Variants in SMAD2 observed in about 807,000 individuals in gnomAD.
SMAD2 encodes the protein SMAD family member 2, also known as MAD homolog 2.
Under a neutral mutation model 64.4 loss-of-function variants are expected in SMAD2, and 8 were observed. The observed-to-expected ratio is 0.12, with a 90% CI of 0.07 to 0.22. The LOEUF is 0.22. SMAD2 is among the 10% of genes least tolerant of loss of function. The probability of loss-of-function intolerance (pLI) is 1.00; values close to 1 mark genes in which losing one functional copy is unlikely to be tolerated. For missense variants in SMAD2, 289 were observed against 561.2 expected (o/e 0.51, Z 4.90); for synonymous variants, 203 against 195.8 (o/e 1.04, Z -0.31).
intron 3 of SMAD2, 49 bp downstream of exon 3, chr18:47,870,426 C>A (rs982060492): frequency 1.5e-6 from 2 of 1,354,782 alleles, no homozygotes; most frequent in Admixed American, 1.7e-5. Context: ...TCAAAATATA[C>A]CCCCCTCCCA....
At position 47,822,439 on chromosome 18, in the gene SMAD2, C is replaced by T. The variant is rs1912605825; in HGVS notation, c.*19388G>A. 6.6e-6 allele frequency: 1 copy of T among 152,146 alleles called. No individual in the cohort carries two copies. Among genetic ancestry groups the T allele is most frequent in the South Asian group, 2.1e-4 (1 of 4,832 alleles). The allele number at this position is 152,146 out of a possible 1,614,324, so 9.4% of individuals were successfully genotyped here. On this transcript the variant is annotated 3_prime_UTR_variant, in exon 11 of 11. Coordinates refer to ENST00000262160, the MANE Select transcript of SMAD2 (RefSeq NM_005901.6). Reference sequence around the variant, plus strand: ...AGAAACTGATGAGTCCATGTAACTACTAATTAAGATCAACCACAACAAAAA... The same window carrying T: ...AGAAACTGATGAGTCCATGTAACTATTAATTAAGATCAACCACAACAAAAA...
In SMAD2 at chr18:47,848,732, T is replaced by G. The variant is rs1381473420; in HGVS notation, c.785-45A>C. The G allele has an allele frequency of 1.5e-6, 2 of 1,355,980 alleles. 1 individual carries two copies. The highest frequency in any genetic ancestry group is 2.5e-5 in the South Asian group (2 of 81,388). 84.0% of individuals were successfully genotyped at this position (1,355,980 alleles called of 1,614,324 possible). A position where few individuals can be genotyped will look rare whatever the true frequency, so the allele number is the denominator to read the frequency against. On this transcript the variant is annotated intron_variant, in intron 7 of 10. Transcript: ENST00000262160. ...AAAAATAATAAAAGGAAGAAATGCG[T>G]GAACAATTCAAGCCAAAAATAGATT...
At chr18:47,850,469 ATATATTATATATTATATATT>A (rs1915223653) in intron 7 of SMAD2, among the ~76,000 whole-genome samples, 1 of 23,194 alleles carries the variant, frequency 4.3e-5, no homozygotes, top group African/African-American at 2.0e-4. Context: ...TATACATAAT[ATATATTATATATTATATATT>A]ATGTATAATA....
rs535943136 is a variant in SMAD2 at position 47,848,389 on chromosome 18, A to G, written c.997+86T>C. On this transcript the variant is annotated intron_variant, in intron 8 of 10. Transcript: ENST00000262160. ...AGAGAGAAAGCTGGTTTTACTGCAC[A>G]CAAGCTCTTGATGTGGCACACCATG... 3.8e-6 allele frequency: 4 copies of G among 1,051,120 alleles called. No homozygotes were observed. The East Asian group carries it at 9.6e-5, about 25-fold the overall frequency. The allele number at this position is 1,051,120 out of a possible 1,614,324, so 65.1% of individuals were successfully genotyped here. A position where few individuals can be genotyped will look rare whatever the true frequency, so the allele number is the denominator to read the frequency against.
intron 4 of SMAD2, 37 bp from the exon 5 acceptor site, chr18:47,868,494 A>G (rs2031728005): frequency 2.5e-6 from 4 of 1,590,032 alleles, no homozygotes; most frequent in Non-Finnish European, 3.4e-6. Flanking sequence ...AATGGCAAAG[A>G]GCAAAGGGGA....
At position 47,828,562 on chromosome 18, in the gene SMAD2, G is replaced by C. The variant is rs1408839122; in HGVS notation, c.*13265C>G. ...GTCTGTGTAGAAAGAAGTAGACATA[G>C]GAGACTCCATTTTGTTCTGTACTAG... On this transcript the variant is annotated 3_prime_UTR_variant, in exon 11 of 11. Transcript: ENST00000262160. 6.0e-6 allele frequency: 1 copy of C among 166,306 alleles called. No individual in the cohort carries two copies. The highest frequency in any genetic ancestry group is 2.4e-5 in the African/African-American group (1 of 41,600). 10.3% of individuals were successfully genotyped at this position (166,306 alleles called of 1,614,324 possible).
Position 47,828,910 on chromosome 18 carries a change from A to C in SMAD2, c.*12917T>G, listed in dbSNP as rs1303629354. The C allele has an allele frequency of 7.3e-6, 1 of 136,336 alleles. No individual in the cohort carries two copies. Among genetic ancestry groups the C allele is most frequent in the East Asian group, 2.3e-4 (1 of 4,290 alleles). 8.4% of individuals were successfully genotyped at this position (136,336 alleles called of 1,614,324 possible). ...CCTGCCACATCCCCCTCTCCGAGAA[A>C]CACCCAAGAATGATCAATAAATACT... On this transcript the variant is annotated 3_prime_UTR_variant, in exon 11 of 11. Transcript: ENST00000262160.
chr18:47,909,186 T>C (rs1598878917), intron 1 of SMAD2, among the ~76,000 whole-genome samples: 1 of 152,234 alleles, frequency 6.6e-6, no homozygotes, highest in African/African-American at 2.4e-5. Context: ...GCAGGTTTTA[T>C]GTAGGTACAG....
At chr18:47,922,329 A>G (rs994615159) in intron 1 of SMAD2, among the ~76,000 whole-genome samples, 2 of 152,252 alleles carry the variant, frequency 1.3e-5, no homozygotes, top group East Asian at 3.8e-4. Flanking sequence ...TGTGCAGTCA[A>G]TCCTCCTTAT....
In SMAD2 at chr18:47,884,301, TA is replaced by T. The variant is rs975505893; in HGVS notation, c.236+12219del. ...CTATGTACCAAGCTCTTACACATAT[TA>T]AACCGCTTAATCCTTCAACAGTGCC... On this transcript the variant is annotated intron_variant, in intron 2 of 10. Coordinates refer to ENST00000262160, the MANE Select transcript of SMAD2 (RefSeq NM_005901.6). 1.1e-3 allele frequency among the ~76,000 whole-genome samples: 166 copies of T among 152,286 alleles called. 1 individual carries two copies. The highest frequency in any genetic ancestry group is 3.9e-3 in the African/African-American group (161 of 41,564).
chr18:47,862,910 A>C (rs2031290214), intron 6 of SMAD2, among the ~76,000 whole-genome samples: 1 of 152,174 alleles, frequency 6.6e-6, no homozygotes, highest in South Asian at 2.1e-4. Context: ...CGAACTTATA[A>C]ATTTCTTACG....
At chr18:47,858,141 A>G (rs749425068) in intron 6 of SMAD2, among the ~76,000 whole-genome samples, 3 of 152,058 alleles carry the variant, frequency 2.0e-5, no homozygotes, top group Non-Finnish European at 2.9e-5. Context: ...AACAAGAGAT[A>G]TTCAAAGATG....
intron 3 of SMAD2, among the ~76,000 whole-genome samples, chr18:47,870,029 T>C (rs1265834740): frequency 6.6e-6 from 1 of 152,046 alleles, no homozygotes; most frequent in Non-Finnish European, 1.5e-5. Context: ...AATGAAGTGA[T>C]TAAAAAAAGT....
intron 1 of SMAD2, among the ~76,000 whole-genome samples, chr18:47,898,018 A>C (rs1172538629): frequency 6.6e-6 from 1 of 152,214 alleles, no homozygotes; most frequent in African/African-American, 2.4e-5. Context: ...CTTTAAGAAA[A>C]CAATGATGCT....
intron 5 of SMAD2, 49 bp downstream of exon 5, chr18:47,868,274 C>T (rs745572993): frequency 6.5e-7 from 1 of 1,531,486 alleles, no homozygotes; most frequent in Non-Finnish European, 9.0e-7. Flanking sequence ...TGCTTATGAA[C>T]AAAATTTGTA....
At chr18:47,896,004 G>C (rs79334961) in intron 2 of SMAD2, among the ~76,000 whole-genome samples, 2,222 of 152,282 alleles carry the variant, frequency 0.015, 17 homozygotes, top group Non-Finnish European at 0.023. Context: ...TAAAGTAACA[G>C]GTCCTCCTAA....
At chr18:47,909,578 A>T (rs918436843) in intron 1 of SMAD2, among the ~76,000 whole-genome samples, 1 of 152,168 alleles carries the variant, frequency 6.6e-6, no homozygotes, top group African/African-American at 2.4e-5. Context: ...GGACAGGCTA[A>T]CTCTACTGTT....
At chr18:47,870,636 A>C in intron 2 of SMAD2, 72 bp from the exon 3 acceptor site, 2 of 955,668 alleles carry the variant, frequency 2.1e-6, no homozygotes, top group Non-Finnish European at 3.4e-6. Context: ...CCATGATGTA[A>C]AACATGGAGA....
chr18:47,869,998 T>C (rs1195554863), intron 3 of SMAD2, among the ~76,000 whole-genome samples: 1 of 151,902 alleles, frequency 6.6e-6, no homozygotes, highest in Non-Finnish European at 1.5e-5. Context: ...AATGAACAAA[T>C]ACCATATACG....
Sources: gnomAD v4.1 joint callset for allele counts (sites outside exome capture counted in the v4.1 genomes callset) on GRCh38, gnomAD v4.1.1 for gene constraint, MANE v1.5 for transcripts, NCBI Gene and HGNC (gene_info 2026-07-23, HGNC 2026-07-21) for gene names.